AHNAK2: variants seen among roughly 807,000 people sequenced by gnomAD.
The protein encoded by AHNAK2 is protein AHNAK2.
Under a neutral mutation model 30.7 loss-of-function variants are expected in AHNAK2, and 18 were observed. That is an observed-to-expected ratio of 0.59 (90% CI 0.41 to 0.87). The LOEUF (loss-of-function observed/expected upper bound fraction) is 0.87, where lower values mean the gene tolerates loss of function less well. Ranked by LOEUF, AHNAK2 falls within the 40% of genes least tolerant of loss-of-function variation. The probability of loss-of-function intolerance (pLI) is 0.00; values close to 1 mark genes in which losing one functional copy is unlikely to be tolerated. For missense variants in AHNAK2, 8,604 were observed against 7,373.0 expected, an observed-to-expected ratio of 1.17 and a Z score of -6.11; for synonymous variants, 3,590 against 3,073.8, an observed-to-expected ratio of 1.17 and a Z score of -5.56.
rs777434444 is a variant in AHNAK2 at position 104,947,303 on chromosome 14, G to T, written c.8148C>A (p.Leu2716=). 3 of 1,611,954 alleles carry T rather than the reference G, an allele frequency of 1.9e-6. No individual in the cohort carries two copies. The highest frequency in any genetic ancestry group is 2.5e-6 in the Non-Finnish European group (3 of 1,179,390). ...EVQAGQVDVK[L]PEGHVPEGAG... is the part of the protein sequence containing the mutation. ...CTCCCTCGGGAACGTGGCCCTCTGG[G>T]AGTTTCACATCCACCTGGCCAGCCT... Residue 2716 remains leucine, a synonymous_variant, in exon 7 of 7, where the codon CTC becomes CTA. Transcript: ENST00000333244.
rs1027193348 is a variant in AHNAK2, at chr14:104,949,469, C to T, written c.5982G>A (p.Lys1994=). The change falls in exon 7 of 7, where the codon AAG becomes AAA. Residue 1994 remains lysine, a synonymous_variant. Transcript: ENST00000333244. ...KDSKFKMPKF[K]MPSFGVSAPG... ...GGGCCGATACCCCGAACGACGGCAT[C>T]TTGAATTTGGGCATTTTGAACTTGC... The T allele has an allele frequency of 3.8e-6, 6 of 1,588,508 alleles. No homozygotes were observed. Among genetic ancestry groups the T allele is most frequent in the Admixed American group, 3.5e-5 (2 of 57,616 alleles).
chr14:104,963,699 G>A (rs1172924237), intron 1 of AHNAK2, among the ~76,000 whole-genome samples: 3 of 151,882 alleles, frequency 2.0e-5, no homozygotes, highest in Non-Finnish European at 4.4e-5. Context: ...GTGTGGTGGC[G>A]GGTGCCTGTA....
At position 104,952,592 on chromosome 14, in the gene AHNAK2, T is replaced by C. The variant is rs1370985573; in HGVS notation, c.2859A>G (p.Thr953=). 2 of 1,612,726 alleles carry C rather than the reference T, an allele frequency of 1.2e-6. No individual in the cohort carries two copies. The highest frequency in any genetic ancestry group is 1.7e-6 in the Non-Finnish European group (2 of 1,179,664). Residue 953 remains threonine, a synonymous_variant, in exon 7 of 7, where the codon ACA becomes ACG. Coordinates refer to ENST00000333244, the MANE Select transcript of AHNAK2 (RefSeq NM_138420.4). ...LDLKGPKAEV[T]APDGEVSLPS... ...GCAGAGACACCTCGCCATCGGGGGC[T>C]GTCACTTCCGCCTTGGGGCCTTTCA...
chr14:104,946,049 C>T lies in AHNAK2; in HGVS notation c.9402G>A (p.Lys3134=), dbSNP rs200059681. 6 of 1,605,420 alleles carry T rather than the reference C, an allele frequency of 3.7e-6. No homozygotes were observed. In the Admixed American group the frequency reaches 1.0e-4, roughly 27 times the overall value. The change falls in exon 7 of 7, where the codon AAG becomes AAA. Residue 3134 remains lysine, a synonymous_variant. Coordinates refer to ENST00000333244, the MANE Select transcript of AHNAK2 (RefSeq NM_138420.4). ...ACTTGCTGTCTTTGGCAGTCACATCCTTGTCGGCCAGGGACAGGTCCCCCT... is the reference window on the plus strand; with the variant it reads ...ACTTGCTGTCTTTGGCAGTCACATCTTTGTCGGCCAGGGACAGGTCCCCCT... The part of the protein sequence containing the change: ...RLEGDLSLAD[K]DVTAKDSKFK...
Position 104,948,551 on chromosome 14 carries a change from C to T in AHNAK2, c.6900G>A (p.Leu2300=), listed in dbSNP as rs1595407232. Residue 2300 remains leucine (L), a synonymous_variant, in exon 7 of 7, where the codon CTG becomes CTA. Transcript: ENST00000333244. ...TGTCGGCCAGGGACATGTCCCCCTC[C>T]AGCCGCGCACCATCCAGCTTGGCTC... The part of the protein sequence containing the change: ...APGAKLDGAR[L]EGDMSLADKD... The T allele has an allele frequency of 6.2e-7, 1 of 1,612,522 alleles. No individual in the cohort carries two copies. Among genetic ancestry groups the T allele is most frequent in the Non-Finnish European group, 8.5e-7 (1 of 1,179,718 alleles).
intron 1 of AHNAK2, among the ~76,000 whole-genome samples, chr14:104,961,342 G>A (rs554350034): frequency 9.2e-5 from 14 of 151,650 alleles, no homozygotes; most frequent in East Asian, 2.0e-4. Context: ...GTGAAACCCC[G>A]TCTCTACTAA....
rs781718265 is a variant in AHNAK2, at chr14:104,940,396, G to T, written c.15055C>A (p.Pro5019Thr). 3 of 1,613,882 alleles carry T rather than the reference G, an allele frequency of 1.9e-6. No homozygotes were observed. The South Asian group carries it at 3.3e-5, about 18-fold the overall frequency. Residue 5019 changes from proline to threonine, a missense_variant, in exon 7 of 7, where the codon CCT becomes ACT. Physicochemically the swap from Pro to Thr is conservative, Grantham distance 38 (BLOSUM62 -1). Transcript: ENST00000333244. The surrounding 1 kb of genome is among the most constrained non-coding windows in gnomAD (Gnocchi z 4.4). Reference sequence around the variant, plus strand: ...GCAAGTTTTGGCATGGCAAAGCCAGGCTTTGTGCTCCTCCCCTTCTCTCCA... The same window carrying T: ...GCAAGTTTTGGCATGGCAAAGCCAGTCTTTGTGCTCCTCCCCTTCTCTCCA... Reference protein sequence around the residue: ...RDGEKGRSTKPGFAMPKLALP... With the variant: ...RDGEKGRSTKTGFAMPKLALP...
In AHNAK2 at chr14:104,944,286, G is replaced by A. The variant is rs1410528874; in HGVS notation, c.11165C>T (p.Pro3722Leu). Residue 3722 changes from proline (P) to leucine (L), a missense_variant, in exon 7 of 7, where the codon CCC becomes CTC. Physicochemically the swap from Pro to Leu is moderately conservative, Grantham distance 98 (BLOSUM62 -3). Coordinates refer to ENST00000333244, the MANE Select transcript of AHNAK2 (RefSeq NM_138420.4). ...CTTCAAACTGGGCATCTCCACCTTGGGCAGGTGCTCTTTGAGGCCGGCTCC... is the reference window on the plus strand; with the variant it reads ...CTTCAAACTGGGCATCTCCACCTTGAGCAGGTGCTCTTTGAGGCCGGCTCC... ...PEGAGLKEHL[P>L]KVEMPSLKMP... is the part of the protein sequence containing the mutation. The A allele has an allele frequency of 6.2e-7, 1 of 1,612,906 alleles. No individual in the cohort carries two copies. Among genetic ancestry groups the A allele is most frequent in the Middle Eastern group, 1.7e-4 (1 of 6,046 alleles).
chr14:104,977,065 C>T (rs1177566876), intron 1 of AHNAK2, among the ~76,000 whole-genome samples: 10 of 152,190 alleles, frequency 6.6e-5, no homozygotes, highest in East Asian at 1.9e-4. Flanking sequence ...ACCCTAAGTG[C>T]GCACCAGACA....
In AHNAK2 at chr14:104,950,281, C is replaced by G. The variant is rs116493110; in HGVS notation, c.5170G>C (p.Val1724Leu). ...DLEVQAGQVN[V>L]KLPEGPLPEG... ...GGAAGGGGGCCCTCCGGGAGTTTCA[C>G]GTTCACTTGGCCAGCCTGGACCTCC... The change falls in exon 7 of 7, where the codon GTG becomes CTG. Residue 1724 changes from valine (V) to leucine (L), a missense_variant. Transcript: ENST00000333244. 5.7e-6 allele frequency: 9 copies of G among 1,584,172 alleles called. No individual in the cohort carries two copies. Among genetic ancestry groups the G allele is most frequent in the Non-Finnish European group, 6.9e-6 (8 of 1,162,246 alleles).
rs200925506 is a variant in AHNAK2, at chr14:104,941,962, T to C, written c.13489A>G (p.Met4497Val). 2.2e-5 allele frequency: 36 copies of C among 1,612,346 alleles called. No individual in the cohort carries two copies. Among genetic ancestry groups the C allele is most frequent in the African/African-American group, 2.0e-4 (15 of 74,604 alleles). Residue 4497 changes from methionine (M) to valine (V), a missense_variant, in exon 7 of 7, where the codon ATG becomes GTG. Physicochemically the swap from Met to Val is conservative, Grantham distance 21. Coordinates refer to ENST00000333244, the MANE Select transcript of AHNAK2 (RefSeq NM_138420.4). ...TCCCCCTGCATGGAGGGAATGCTCATGTCGGCCTCCATCTTTGGCGCAGAC... is the reference window on the plus strand; with the variant it reads ...TCCCCCTGCATGGAGGGAATGCTCACGTCGGCCTCCATCTTTGGCGCAGAC... ...DVSAPKMEAD[M>V]SIPSMQGDLK...
At chr14:104,955,830 C>T (rs1435902736) in intron 4 of AHNAK2, among the ~76,000 whole-genome samples, 197 bp from the exon 5 acceptor site, 2 of 152,238 alleles carry the variant, frequency 1.3e-5, no homozygotes, top group African/African-American at 4.8e-5. Context: ...CAGCTGGAAC[C>T]TGCCAGAACT....
At chr14:104,976,805 C>T (rs976032595) in intron 1 of AHNAK2, among the ~76,000 whole-genome samples, 6 of 142,478 alleles carry the variant, frequency 4.2e-5, no homozygotes, top group Non-Finnish European at 9.7e-5. Context: ...AAAGGCTGTG[C>T]AGGGAAGCTG....
rs1898928071 is a variant in AHNAK2, at chr14:104,954,991, T to C, written c.617A>G (p.Asp206Gly). 6.2e-7 allele frequency: 1 copy of C among 1,613,532 alleles called. No homozygotes were observed. The highest frequency in any genetic ancestry group is 2.2e-5 in the East Asian group (1 of 44,884). ...CTTGCCCTGTGGGCCGTGCTGGGCA[T>C]CGCTGGAAGCCCACTCTTCATCCTG... is the stretch of plus-strand genomic sequence containing the variant. ...APQDEEWASS[D>G]AQHGPQGKEK... The change falls in exon 6 of 7, where the codon GAT becomes GGT. Residue 206 changes from aspartate to glycine, a missense_variant. Asp to Gly is a moderately conservative substitution (Grantham distance 94). Coordinates refer to ENST00000333244, the MANE Select transcript of AHNAK2 (RefSeq NM_138420.4). This position sits in a 1 kb window ranked among gnomAD's most constrained non-coding sequence, Gnocchi z 4.3.
At chr14:104,964,160 G>A (rs994798717) in intron 1 of AHNAK2, among the ~76,000 whole-genome samples, 1 of 152,124 alleles carries the variant, frequency 6.6e-6, no homozygotes, top group African/African-American at 2.4e-5. Flanking sequence ...CAAACAACCC[G>A]ATAGAAATAT....
chr14:104,948,485 C>G lies in AHNAK2; in HGVS notation c.6966G>C (p.Lys2322Asn), dbSNP rs1460723741. The G allele has an allele frequency of 6.2e-7, 1 of 1,610,590 alleles. No individual in the cohort carries two copies. The highest frequency in any genetic ancestry group is 8.5e-7 in the Non-Finnish European group (1 of 1,178,530). ...ACACCCCAAACGACAGCATCTTGAA[C>G]TTGGGCATTTTGAACTTGCTGTCTT... ...TAKDSKFKMP[K>N]FKMLSFGVSA... The change falls in exon 7 of 7, where the codon AAG becomes AAC. Residue 2322 changes from lysine to asparagine, a missense_variant. Physicochemically the swap from Lys to Asn is moderately conservative, Grantham distance 94 (BLOSUM62 0). Transcript: ENST00000333244.
chr14:104,941,873 C>A lies in AHNAK2; in HGVS notation c.13578G>T (p.Gln4526His), dbSNP rs376661133. ...GGCCTTCTGGAAGTTTCAAGTCCAC[C>A]TGGCCAGCCTGGACCTCCAGGTCGG... ...PSADLEVQAG[Q>H]VDLKLPEGHM... Residue 4526 changes from glutamine to histidine, a missense_variant, in exon 7 of 7, where the codon CAG (glutamine) becomes CAT (histidine). Transcript: ENST00000333244. 3 of 1,613,354 alleles carry A rather than the reference C, an allele frequency of 1.9e-6. No homozygotes were observed. Among genetic ancestry groups the A allele is most frequent in the East Asian group, 2.2e-5 (1 of 44,840 alleles).
At position 104,939,895 on chromosome 14, in the gene AHNAK2, G is replaced by T; in HGVS notation, c.15556C>A (p.Gln5186Lys). 17 of 1,613,426 alleles carry T rather than the reference G, an allele frequency of 1.1e-5. No homozygotes were observed. Among genetic ancestry groups the T allele is most frequent in the Non-Finnish European group, 1.4e-5 (16 of 1,179,886 alleles). The change falls in exon 7 of 7, where the codon CAG becomes AAG. Residue 5186 changes from glutamine (Q) to lysine (K), a missense_variant. Physicochemically the swap from Gln to Lys is moderately conservative, Grantham distance 53. Transcript: ENST00000333244. ...PEEEAMTKYS[Q>K]ESWFKMPKFR... ...TTGGGCATTTTAAACCAGCTTTCCT[G>T]CGAGTACTTGGTCATGGCTTCCTCC...
chr14:104,945,496 T>A lies in AHNAK2; in HGVS notation c.9955A>T (p.Arg3319Trp). Reference sequence around the variant, plus strand: ...ATGGACTTGCCTGGGGCAGACGCCCTGTACGACGGCATCTTGAATTTGGGC... The same window carrying A: ...ATGGACTTGCCTGGGGCAGACGCCCAGTACGACGGCATCTTGAATTTGGGC... ...KMPKFKMPSY[R>W]ASAPGKSIQA... The change falls in exon 7 of 7, where the codon AGG becomes TGG. Residue 3319 changes from arginine (R) to tryptophan (W), a missense_variant. Physicochemically the swap from Arg to Trp is moderately radical, Grantham distance 101. Coordinates refer to ENST00000333244, the MANE Select transcript of AHNAK2 (RefSeq NM_138420.4). 1 of 1,610,564 alleles carries A rather than the reference T, an allele frequency of 6.2e-7. No individual in the cohort carries two copies. Among genetic ancestry groups the A allele is most frequent in the South Asian group, 1.1e-5 (1 of 90,912 alleles).
Sources: allele counts gnomAD v4.1 joint callset (sites outside exome capture counted in the v4.1 genomes callset), GRCh38; gene constraint gnomAD v4.1.1; non-coding constraint Gnocchi (gnomAD v3.1); transcripts MANE v1.5; gene names NCBI Gene and HGNC (gene_info 2026-07-23, HGNC 2026-07-21).